The following UBASH3A variants were observed in gnomAD, a reference collection of about 807,000 sequenced individuals.
UBASH3A encodes the protein ubiquitin associated and SH3 domain containing A, also known as ubiquitin-associated and SH3 domain-containing protein A.
A neutral mutation model predicts 73.5 loss-of-function variants in UBASH3A; 63 were observed. The ratio of observed to expected loss-of-function variants is 0.86; its 90% CI spans 0.70 to 1.06. UBASH3A has a LOEUF of 1.06. Among genes scored for constraint, UBASH3A ranks in the 50% least tolerant of loss-of-function variants. The pLI, the probability that UBASH3A is intolerant of heterozygous loss-of-function variation, is 0.00. For synonymous variants in UBASH3A, 363 were observed against 351.1 expected (o/e 1.03, Z -0.38); for missense variants, 860 against 859.0 (o/e 1.00, Z -0.02).
intron 5 of UBASH3A, among the ~76,000 whole-genome samples, chr21:42,415,102 C>T (rs2053175824): frequency 6.6e-6 from 1 of 152,210 alleles, no homozygotes; most frequent in Non-Finnish European, 1.5e-5. Flanking sequence ...CCTCTTGGGG[C>T]AAATGCATGA....
In UBASH3A at chr21:42,413,564, C is replaced by T; in HGVS notation, c.667+41C>T. The T allele has an allele frequency of 6.9e-7, 1 of 1,441,220 alleles. No individual in the cohort carries two copies. The highest frequency in any genetic ancestry group is 9.7e-7 in the Non-Finnish European group (1 of 1,030,502). 89.3% of individuals were successfully genotyped at this position (1,441,220 alleles called of 1,614,324 possible). On this transcript the variant is annotated intron_variant, in intron 5 of 14. Transcript: ENST00000319294. This position sits in a 1 kb window ranked among gnomAD's most constrained non-coding sequence, Gnocchi z 4.5. The stretch of plus-strand genomic sequence containing the variant: ...GCTTCCGGACCAGCTTTGGTCTTCT[C>T]TTTAGGCGGGAATAGCCTTGTTCTC...
At chr21:42,438,954 C>T (rs2839514) in intron 11 of UBASH3A, among the ~76,000 whole-genome samples, 94,059 of 151,818 alleles carry the variant, frequency 0.62, 29,532 homozygotes, top group Non-Finnish European at 0.68. Flanking sequence ...ACATCAGAGC[C>T]GGGGCCACGA....
intron 9 of UBASH3A, among the ~76,000 whole-genome samples, chr21:42,433,232 T>C (rs1221942846): frequency 6.6e-6 from 1 of 152,202 alleles, no homozygotes; most frequent in East Asian, 1.9e-4. Flanking sequence ...GAGAGGCCCT[T>C]GATAAAGTGA....
intron 3 of UBASH3A, among the ~76,000 whole-genome samples, chr21:42,411,939 G>A (rs978679367): frequency 1.3e-4 from 20 of 152,168 alleles, no homozygotes; most frequent in Admixed American, 4.6e-4. Flanking sequence ...ATGTCAGGCC[G>A]GCCTGTCCAT....
Position 42,447,387 on chromosome 21 carries a change from G to A in UBASH3A, c.*193G>A, listed in dbSNP as rs2053862655. The stretch of plus-strand genomic sequence containing the variant: ...TGTAACTCCCATCTGTGGACCCATC[G>A]TCCACCAGCCCAGCTGCGGGGAGCA... On this transcript the variant is annotated 3_prime_UTR_variant, in exon 15 of 15. Transcript: ENST00000319294. 6.8e-6 allele frequency: 4 copies of A among 590,108 alleles called. No homozygotes were observed. Among genetic ancestry groups the A allele is most frequent in the East Asian group, 3.3e-5 (1 of 30,472 alleles). The allele number at this position is 590,108 out of a possible 1,614,324, so 36.6% of individuals were successfully genotyped here. A position where few individuals can be genotyped will look rare whatever the true frequency, so the allele number is the denominator to read the frequency against.
intron 8 of UBASH3A, among the ~76,000 whole-genome samples, chr21:42,427,199 G>C (rs1427207597): frequency 6.6e-6 from 1 of 152,220 alleles, no homozygotes; most frequent in African/African-American, 2.4e-5. Context: ...GGGGTCAGCA[G>C]ACTCAGGCCA....
intron 1 of UBASH3A, among the ~76,000 whole-genome samples, chr21:42,404,420 G>A (rs2156309): frequency 0.42 from 63,530 of 151,912 alleles, 13,648 homozygotes; most frequent in African/African-American, 0.48. Context: ...ATTAGTGTTA[G>A]CGTATTTTAT....
At chr21:42,422,911 G>A (rs939524126) in intron 7 of UBASH3A, among the ~76,000 whole-genome samples, 1 of 152,194 alleles carries the variant, frequency 6.6e-6, no homozygotes, top group African/African-American at 2.4e-5. Flanking sequence ...TTACCGGTGG[G>A]TGTTGGGAGT....
In UBASH3A at chr21:42,444,610, G is replaced by A. The variant is rs1366890377; in HGVS notation, c.1815G>A (p.Arg605=). 6.2e-7 allele frequency: 1 copy of A among 1,614,214 alleles called. No homozygotes were observed. Among genetic ancestry groups the A allele is most frequent in the Non-Finnish European group, 8.5e-7 (1 of 1,180,026 alleles). ...CTRPLLGLPP[R]ECGDFAQLVR... ...GGCCACTGCTCGGGCTGCCGCCCCGGGAATGTGGGGATTTTGCCCAACTCG... is the reference window on the plus strand; with the variant it reads ...GGCCACTGCTCGGGCTGCCGCCCCGAGAATGTGGGGATTTTGCCCAACTCG... Residue 605 remains arginine (R), a synonymous_variant, in exon 14 of 15, where the codon CGG becomes CGA. Transcript: ENST00000319294.
intron 1 of UBASH3A, among the ~76,000 whole-genome samples, chr21:42,405,519 T>C (rs9984108): frequency 6.6e-6 from 1 of 151,964 alleles, no homozygotes; most frequent in Non-Finnish European, 1.5e-5. Flanking sequence ...TCATAGTAAG[T>C]GCCCTGCACC....
At chr21:42,406,413 T>G in intron 2 of UBASH3A, 52 bp downstream of exon 2, 1 of 1,490,468 alleles carries the variant, frequency 6.7e-7, no homozygotes, top group Non-Finnish European at 9.4e-7. Flanking sequence ...GAATTCCCTG[T>G]GCCTAAGGAC....
At chr21:42,440,006 A>G (rs1245710196) in intron 11 of UBASH3A, among the ~76,000 whole-genome samples, 3 of 148,790 alleles carry the variant, frequency 2.0e-5, no homozygotes, top group Non-Finnish European at 1.5e-5. Flanking sequence ...CACACACCAC[A>G]CACACAACAC....
chr21:42,446,803 G>A (rs2053851433), intron 14 of UBASH3A, among the ~76,000 whole-genome samples: 1 of 152,170 alleles, frequency 6.6e-6, no homozygotes, highest in Admixed American at 6.5e-5. Flanking sequence ...CCTGCTAGGT[G>A]TCGGCAGCAC....
At chr21:42,434,737 T>C (rs1422375525) in intron 9 of UBASH3A, 95 bp from the exon 10 acceptor site, 4 of 1,318,878 alleles carry the variant, frequency 3.0e-6, no homozygotes, top group Admixed American at 4.7e-5. Context: ...AATAATAACA[T>C]TGCTGTTAGA....
At chr21:42,446,985 G>A in intron 14 of UBASH3A, 72 bp from the exon 15 acceptor site, 1 of 1,526,952 alleles carries the variant, frequency 6.5e-7, no homozygotes, top group Non-Finnish European at 8.9e-7. Context: ...CCTGACAGTT[G>A]GCTTTGGAGC....
At chr21:42,435,960 T>C (rs1309875405) in intron 10 of UBASH3A, among the ~76,000 whole-genome samples, 29 of 152,030 alleles carry the variant, frequency 1.9e-4, no homozygotes, top group African/African-American at 6.7e-4. Context: ...TATAGAGTTA[T>C]AGAGTCATAG....
chr21:42,413,514 C>G lies in UBASH3A; in HGVS notation c.658C>G (p.Leu220Val). The G allele has an allele frequency of 1.9e-6, 3 of 1,612,664 alleles. No homozygotes were observed. The highest frequency in any genetic ancestry group is 2.5e-6 in the Non-Finnish European group (3 of 1,178,818). Residue 220 changes from leucine (L) to valine (V), a missense_variant, in exon 5 of 15, where the codon CTT becomes GTT. Coordinates refer to ENST00000319294, the MANE Select transcript of UBASH3A (RefSeq NM_018961.4). The surrounding 1 kb of genome is among the most constrained non-coding windows in gnomAD (Gnocchi z 4.5). The stretch of plus-strand genomic sequence containing the variant: ...AGCCTCCTTCGTGAGCCACTACATC[C>G]TTCAAAAATGTAAGCCATTAGAAAG... ...TRASFVSHYI[L>V]QKYCSVKPCT...
At chr21:42,439,143 G>A (rs73372279) in intron 11 of UBASH3A, among the ~76,000 whole-genome samples, 2,881 of 152,166 alleles carry the variant, frequency 0.019, 86 homozygotes, top group African/African-American at 0.066. Context: ...GTTCCACCCC[G>A]GAGCCTCTCA....
chr21:42,430,587 C>A (rs926138123), intron 8 of UBASH3A, among the ~76,000 whole-genome samples: 12 of 152,294 alleles, frequency 7.9e-5, no homozygotes, highest in Admixed American at 7.2e-4. Flanking sequence ...CCCCGTCCAT[C>A]CCTGGTCGCC....
Sources: allele counts gnomAD v4.1 joint callset (sites outside exome capture counted in the v4.1 genomes callset), GRCh38; gene constraint gnomAD v4.1.1; non-coding constraint Gnocchi (gnomAD v3.1); transcripts MANE v1.5; gene names NCBI Gene and HGNC (gene_info 2026-07-23, HGNC 2026-07-21).